IFT56: variants seen among roughly 807,000 people sequenced by gnomAD.
IFT56 encodes intraflagellar transport 56, also known as intraflagellar transport protein 56.
At chr7:139,163,840 AAG>A in the IFT56 span, among the ~76,000 whole-genome samples, 1 of 152,202 alleles carries the variant, frequency 6.6e-6, no homozygotes, top group African/African-American at 2.4e-5. Flanking sequence ...ATATCTGAAA[AAG>A]GAACCAAAAA....
chr7:139,177,430 T>C, the IFT56 span, among the ~76,000 whole-genome samples: 3 of 151,600 alleles, frequency 2.0e-5, no homozygotes, highest in South Asian at 6.2e-4. Flanking sequence ...CAGTCTGATA[T>C]ACTATGTATA....
At chr7:139,187,097 T>A in the IFT56 span, among the ~76,000 whole-genome samples, 1 of 96,586 alleles carries the variant, frequency 1.0e-5, no homozygotes. Context: ...CGAGACTCCG[T>A]CTCAAAAAAA....
chr7:139,135,291 A>C, the IFT56 span, among the ~76,000 whole-genome samples: 4 of 148,570 alleles, frequency 2.7e-5, no homozygotes, highest in African/African-American at 5.2e-5. Context: ...AAAAAAAAAA[A>C]AAAAAAACAA....
At chr7:139,153,063 C>T in the IFT56 span, among the ~76,000 whole-genome samples, 1 of 151,606 alleles carries the variant, frequency 6.6e-6, no homozygotes. Flanking sequence ...GCAGGAGAAT[C>T]GCTTGAACCC....
At chr7:139,163,505 C>G in the IFT56 span, among the ~76,000 whole-genome samples, 2 of 151,950 alleles carry the variant, frequency 1.3e-5, no homozygotes, top group Non-Finnish European at 2.9e-5. Flanking sequence ...TGAGTTTATT[C>G]GTATGCTGAG....
At chr7:139,154,770 C>A in the IFT56 span, among the ~76,000 whole-genome samples, 1 of 152,048 alleles carries the variant, frequency 6.6e-6, no homozygotes, top group Non-Finnish European at 1.5e-5. Context: ...AGTATGCGGC[C>A]TCCTAATTTG....
chr7:139,153,967 C>A, the IFT56 span, among the ~76,000 whole-genome samples: 1 of 152,104 alleles, frequency 6.6e-6, no homozygotes, highest in Non-Finnish European at 1.5e-5. Flanking sequence ...AGTATATAAG[C>A]GTTTTGATTT....
the IFT56 span, chr7:139,173,556 C>T: frequency 3.8e-6 from 3 of 787,170 alleles, no homozygotes; most frequent in South Asian, 1.3e-5. Flanking sequence ...TGAGTTTGTT[C>T]ATATGGATAG....
chr7:139,154,961 G>A, the IFT56 span, among the ~76,000 whole-genome samples: 1 of 150,096 alleles, frequency 6.7e-6, no homozygotes, highest in Non-Finnish European at 1.5e-5. Context: ...CCATTCACAT[G>A]GAATGTTTTT....
chr7:139,143,576 ACT>A, the IFT56 span, among the ~76,000 whole-genome samples: 3 of 151,560 alleles, frequency 2.0e-5, no homozygotes, highest in African/African-American at 7.3e-5. Context: ...ATTTAAGGTG[ACT>A]CTTATAAACA....
chr7:139,152,602 A>G, the IFT56 span, among the ~76,000 whole-genome samples: 2 of 152,340 alleles, frequency 1.3e-5, no homozygotes, highest in East Asian at 1.9e-4. Context: ...CATAAAGGAT[A>G]TGTTTCATGT....
chr7:139,145,486 G>A, the IFT56 span, among the ~76,000 whole-genome samples: 18 of 151,878 alleles, frequency 1.2e-4, no homozygotes, highest in East Asian at 1.9e-3. Flanking sequence ...GTGCAATGGC[G>A]CCATCTCAGC....
the IFT56 span, among the ~76,000 whole-genome samples, chr7:139,188,779 C>T: frequency 6.6e-6 from 1 of 152,090 alleles, no homozygotes. Flanking sequence ...AGGCTTAGTC[C>T]TTAATGTCCA....
the IFT56 span, among the ~76,000 whole-genome samples, chr7:139,159,897 T>G: frequency 3.3e-5 from 5 of 152,350 alleles, no homozygotes; most frequent in East Asian, 9.6e-4. Context: ...TTAAGGCATA[T>G]TATTACTACC....
chr7:139,134,837 T>C, the IFT56 span: 3 of 1,586,152 alleles, frequency 1.9e-6, no homozygotes, highest in Non-Finnish European at 2.6e-6. Flanking sequence ...AATACCAGAC[T>C]GTAGATGAAT....
At chr7:139,173,258 G>A in the IFT56 span, 7 of 415,524 alleles carry the variant, frequency 1.7e-5, no homozygotes, top group Admixed American at 4.3e-5. Flanking sequence ...ATGGAGTCTC[G>A]CTCTTGTTGC....
the IFT56 span, chr7:139,133,913 G>A: frequency 2.5e-6 from 4 of 1,610,410 alleles, no homozygotes; most frequent in Non-Finnish European, 3.4e-6. Flanking sequence ...TGAGGCTGGC[G>A]ATTAGAGGTT....
chr7:139,146,981 C>CAGGAGAAATGAAGTAGAA, the IFT56 span: 1 of 1,522,282 alleles, frequency 6.6e-7, no homozygotes, highest in Non-Finnish European at 8.8e-7. Flanking sequence ...TGTTTCTTTG[C>CAGGAGAAATGAAGTAGAA]AGGAGAAATG....
chr7:139,158,359 G>A, the IFT56 span, among the ~76,000 whole-genome samples: 1 of 150,078 alleles, frequency 6.7e-6, no homozygotes, highest in East Asian at 1.9e-4. Context: ...TCCTTGTAAG[G>A]TTTTTTATCT....
Sources: allele counts gnomAD v4.1 joint callset (sites outside exome capture counted in the v4.1 genomes callset), GRCh38; gene constraint gnomAD v4.1.1; transcripts MANE v1.5; gene names NCBI Gene and HGNC (gene_info 2026-07-23, HGNC 2026-07-21).